The following NRXN1 variants were observed in gnomAD, a reference collection of about 807,000 sequenced individuals.
The protein encoded by NRXN1 is neurexin 1, also known as neurexin-1.
Under a neutral mutation model 150.9 loss-of-function variants are expected in NRXN1, and 39 were observed. That is an observed-to-expected ratio of 0.26 (90% CI 0.20 to 0.34). The LOEUF is 0.34. Among genes scored for constraint, NRXN1 ranks in the 10% least tolerant of loss-of-function variants. The probability of loss-of-function intolerance (pLI) is 1.00; values close to 1 mark genes in which losing one functional copy is unlikely to be tolerated. For synonymous variants in NRXN1, 924 were observed against 757.0 expected (o/e 1.22, Z -3.62); for missense variants, 1,815 against 1,949.9 (o/e 0.93, Z 1.30).
chr2:50,513,243 C>T (rs1322457014), intron 12 of NRXN1, among the ~76,000 whole-genome samples: 1 of 152,086 alleles, frequency 6.6e-6, no homozygotes, highest in Admixed American at 6.6e-5. Context: ...AGTTAAGTAA[C>T]AGTGCATGAG....
At chr2:50,197,836 GACT>G (rs565155362) in intron 18 of NRXN1, among the ~76,000 whole-genome samples, 222 of 152,162 alleles carry the variant, frequency 1.5e-3, no homozygotes, top group Non-Finnish European at 2.6e-3. Flanking sequence ...TTAACTAGTG[GACT>G]ACAACATAAG....
At chr2:50,309,075 A>G (rs544958658) in intron 17 of NRXN1, among the ~76,000 whole-genome samples, 91 of 152,332 alleles carry the variant, frequency 6.0e-4, no homozygotes, top group South Asian at 3.1e-3. Flanking sequence ...TGCAAAGACA[A>G]GTATTTTCTT....
chr2:50,067,704 A>G (rs773158270), intron 19 of NRXN1, among the ~76,000 whole-genome samples: 4 of 152,222 alleles, frequency 2.6e-5, no homozygotes, highest in Non-Finnish European at 5.9e-5. Flanking sequence ...ATTGATAGAC[A>G]TCACTAAATA....
intron 17 of NRXN1, among the ~76,000 whole-genome samples, chr2:50,381,401 C>T (rs2080949244): frequency 6.6e-6 from 1 of 151,790 alleles, no homozygotes; most frequent in Admixed American, 6.6e-5. Context: ...CAAAGAGTAC[C>T]TGGGGAAACA....
intron 5 of NRXN1, among the ~76,000 whole-genome samples, chr2:50,882,086 A>G (rs371606989): frequency 3.7e-4 from 57 of 152,036 alleles, no homozygotes; most frequent in African/African-American, 1.3e-3. Context: ...TCAAAACAAA[A>G]CACTGTTTTC....
intron 19 of NRXN1, among the ~76,000 whole-genome samples, chr2:50,059,800 C>A (rs1694225457): frequency 6.6e-6 from 1 of 152,194 alleles, no homozygotes; most frequent in Non-Finnish European, 1.5e-5. Flanking sequence ...ACCTTGGTGG[C>A]TTACATGTAG....
chr2:50,753,071 A>G (rs886864427), intron 5 of NRXN1, among the ~76,000 whole-genome samples: 22 of 151,978 alleles, frequency 1.4e-4, no homozygotes, highest in African/African-American at 4.8e-4. Flanking sequence ...TACATATTCT[A>G]AAAGCTGCAT....
rs918323298 is a variant in NRXN1 at position 50,771,380 on chromosome 2, T to C, written c.833-147765A>G. Among the ~76,000 whole-genome samples the C allele has an allele frequency of 5.9e-5, 9 of 152,236 alleles. No homozygotes were observed. The South Asian group carries it at 8.3e-4, about 14-fold the overall frequency. On this transcript the variant is annotated intron_variant, in intron 5 of 22. Coordinates refer to ENST00000401669, the MANE Select transcript of NRXN1 (RefSeq NM_001330078.2). ...CAATTATCTTTGTCTTCAAGCAACT[T>C]AACAATTTGGTTGCCTAGATAGAAA...
intron 18 of NRXN1, among the ~76,000 whole-genome samples, chr2:50,228,498 C>T (rs1268642363): frequency 3.3e-5 from 5 of 151,838 alleles, no homozygotes; most frequent in African/African-American, 4.8e-5. Flanking sequence ...AAGTTTCAGT[C>T]GCCTGTGAGA....
chr2:49,985,434 T>C (rs561742313), intron 21 of NRXN1, among the ~76,000 whole-genome samples: 50 of 152,318 alleles, frequency 3.3e-4, no homozygotes, highest in African/African-American at 1.2e-3. Flanking sequence ...CTGTATAGAT[T>C]CATGTGAAGC....
chr2:50,919,013 G>C (rs1309494128), intron 5 of NRXN1: 1 of 42,368 alleles, frequency 2.4e-5, no homozygotes, highest in African/African-American at 4.8e-5. Flanking sequence ...TCTTTGTTTA[G>C]GAATGTAAAA....
chr2:50,426,739 A>G (rs1188184074), intron 17 of NRXN1, among the ~76,000 whole-genome samples: 2 of 152,172 alleles, frequency 1.3e-5, no homozygotes, highest in Non-Finnish European at 2.9e-5. Flanking sequence ...GACCCATGCC[A>G]AAGAACAGAA....
In NRXN1 at chr2:50,907,811, A is replaced by T. The variant is rs148104376; in HGVS notation, c.832+14058T>A. On this transcript the variant is annotated intron_variant, in intron 5 of 22. Transcript: ENST00000401669. ...AAATGCACCATTGATGACAAATCAA[A>T]TTTACCCCAGTGGGATCCATGCCAG... Among the ~76,000 whole-genome samples, 10 of 152,230 alleles carry T rather than the reference A, an allele frequency of 6.6e-5. No homozygotes were observed. In the East Asian group the frequency reaches 1.9e-3, roughly 30 times the overall value.
chr2:50,898,006 G>T (rs1169609463), intron 5 of NRXN1, among the ~76,000 whole-genome samples: 4 of 152,136 alleles, frequency 2.6e-5, no homozygotes, highest in Non-Finnish European at 1.5e-5. Context: ...GTTTGAACTA[G>T]AAAATTACAG....
chr2:50,302,064 C>A (rs2074202157), intron 17 of NRXN1, among the ~76,000 whole-genome samples: 1 of 151,432 alleles, frequency 6.6e-6, no homozygotes, highest in African/African-American at 2.4e-5. Flanking sequence ...TAAAAAATTT[C>A]TTTTAAGAAC....
chr2:50,546,194 C>T (rs1372948504), intron 9 of NRXN1, among the ~76,000 whole-genome samples: 2 of 152,094 alleles, frequency 1.3e-5, no homozygotes, highest in Admixed American at 6.6e-5. Context: ...AAGAAGAATG[C>T]ATGAGATAAG....
intron 5 of NRXN1, among the ~76,000 whole-genome samples, chr2:50,889,087 A>G (rs1680680851): frequency 6.6e-6 from 1 of 151,680 alleles, no homozygotes. Context: ...TCACAACTTG[A>G]TCATTTCTCA....
At chr2:50,977,794 T>TA (rs1437099617) in intron 2 of NRXN1, among the ~76,000 whole-genome samples, 1 of 151,750 alleles carries the variant, frequency 6.6e-6, no homozygotes, top group African/African-American at 2.4e-5. Flanking sequence ...TCTGTTTTCT[T>TA]AAAAAAAGTC....
intron 5 of NRXN1, among the ~76,000 whole-genome samples, chr2:50,818,636 C>T (rs147689940): frequency 1.4e-4 from 21 of 151,642 alleles, no homozygotes; most frequent in African/African-American, 4.6e-4. Context: ...TTCCTGAATA[C>T]GACACCAAAA....
Sources: allele counts gnomAD v4.1 joint callset (sites outside exome capture counted in the v4.1 genomes callset), GRCh38; gene constraint gnomAD v4.1.1; transcripts MANE v1.5; gene names NCBI Gene and HGNC (gene_info 2026-07-23, HGNC 2026-07-21).